FBXL6: variants seen among roughly 807,000 people sequenced by gnomAD.
FBXL6 encodes the protein F-box/LRR-repeat protein 6.
Under a neutral mutation model 53.3 loss-of-function variants are expected in FBXL6, and 50 were observed. The observed-to-expected ratio is 0.94, with a 90% CI of 0.75 to 1.19. The LOEUF (loss-of-function observed/expected upper bound fraction) is 1.19, where lower values mean the gene tolerates loss of function less well. FBXL6 is among the 50% of genes most tolerant of loss of function. The pLI, the probability that FBXL6 is intolerant of heterozygous loss-of-function variation, is 0.00. For missense variants in FBXL6, 815 were observed against 719.0 expected (o/e 1.13, Z -1.53); for synonymous variants, 405 against 322.9 (o/e 1.25, Z -2.73).
chr8:144,358,157 C>T lies in FBXL6; in HGVS notation c.291G>A (p.Pro97=). The change falls in exon 1 of 9, where the codon CCG becomes CCA. Residue 97 remains proline, a synonymous_variant. Transcript: ENST00000331890. ...SEAAAAPAPA[P]APTPTPEEGP... The stretch of plus-strand genomic sequence containing the variant: ...CTTCCTCGGGCGTGGGCGTGGGTGC[C>T]GGTGCGGGTGCGGGCGCGGCCGCCG... 6.5e-7 allele frequency: 1 copy of T among 1,531,328 alleles called. No homozygotes were observed. Among genetic ancestry groups the T allele is most frequent in the East Asian group, 2.7e-5 (1 of 37,426 alleles). 94.9% of individuals were successfully genotyped at this position (1,531,328 alleles called of 1,614,324 possible).
chr8:144,356,245 A>C (rs2130611236), intron 7 of FBXL6, 31 bp from the exon 8 acceptor site: 1 of 1,611,376 alleles, frequency 6.2e-7, no homozygotes, highest in Non-Finnish European at 8.5e-7. Flanking sequence ...ATAAGCTACA[A>C]GGTGACAAGG....
Sources: allele counts gnomAD v4.1 joint callset, GRCh38; gene constraint gnomAD v4.1.1; transcripts MANE v1.5; gene names NCBI Gene and HGNC (gene_info 2026-07-23, HGNC 2026-07-21).